SLC7A14: variants seen among roughly 807,000 people sequenced by gnomAD.
SLC7A14 encodes solute carrier family 7 member 14, also known as gamma-aminobutyric acid transporter SLC7A14.
A neutral mutation model predicts 60.2 loss-of-function variants in SLC7A14; 37 were observed. The observed-to-expected ratio is 0.61, with a 90% CI of 0.47 to 0.81. SLC7A14 has a LOEUF of 0.81. Ranked by LOEUF, SLC7A14 falls within the 30% of genes least tolerant of loss-of-function variation. SLC7A14 has a pLI of 0.00. For missense variants in SLC7A14, 886 were observed against 982.7 expected, an observed-to-expected ratio of 0.90 and a Z score of 1.32; for synonymous variants, 399 against 395.8, an observed-to-expected ratio of 1.01 and a Z score of -0.10.
At chr3:170,513,083 C>T (rs1037007643) in intron 2 of SLC7A14, among the ~76,000 whole-genome samples, 1 of 152,038 alleles carries the variant, frequency 6.6e-6, no homozygotes. Context: ...CTAAGTAGCT[C>T]CTACTGAATG....
At chr3:170,499,713 C>A (rs1223112883) in intron 3 of SLC7A14, among the ~76,000 whole-genome samples, 1 of 152,170 alleles carries the variant, frequency 6.6e-6, no homozygotes, top group Non-Finnish European at 1.5e-5. Flanking sequence ...AGTGAACACG[C>A]CCTGCCTGCT....
chr3:170,562,584 C>T (rs1481283241), intron 1 of SLC7A14, among the ~76,000 whole-genome samples: 2 of 151,958 alleles, frequency 1.3e-5, no homozygotes, highest in East Asian at 3.8e-4. Context: ...CACAAATCAC[C>T]ACTAAAGAAC....
chr3:170,548,608 A>C (rs967773702), intron 1 of SLC7A14, among the ~76,000 whole-genome samples: 4 of 152,220 alleles, frequency 2.6e-5, no homozygotes, highest in African/African-American at 7.2e-5. Context: ...TGGGAAACTT[A>C]ACAAAATAAA....
intron 2 of SLC7A14, among the ~76,000 whole-genome samples, chr3:170,511,641 A>G (rs1712983195): frequency 6.6e-6 from 1 of 152,208 alleles, no homozygotes; most frequent in South Asian, 2.1e-4. Flanking sequence ...AGCTTTACTT[A>G]GCAGTAGCCT....
At position 170,466,643 on chromosome 3, in the gene SLC7A14, G is replaced by A. The variant is rs1739727938; in HGVS notation, c.*412C>T. On this transcript the variant is annotated 3_prime_UTR_variant, in exon 8 of 8. Transcript: ENST00000231706. Reference sequence around the variant, plus strand: ...CATCTACCCACCCTGACCTCGGGGAGCAGCACTCAGCCTGACATGCCAAGA... The same window carrying A: ...CATCTACCCACCCTGACCTCGGGGAACAGCACTCAGCCTGACATGCCAAGA... The A allele has an allele frequency of 1.9e-5, 3 of 159,404 alleles. No individual in the cohort carries two copies. Among genetic ancestry groups the A allele is most frequent in the African/African-American group, 7.2e-5 (3 of 41,640 alleles). 9.9% of individuals were successfully genotyped at this position (159,404 alleles called of 1,614,324 possible). A position where few individuals can be genotyped will look rare whatever the true frequency, so the allele number is the denominator to read the frequency against.
At chr3:170,498,983 G>A in intron 3 of SLC7A14, 99 bp from the exon 4 acceptor site, 3 of 1,189,474 alleles carry the variant, frequency 2.5e-6, no homozygotes, top group South Asian at 1.4e-5. Flanking sequence ...GCTTTAAGAA[G>A]GGCAGTAAAC....
chr3:170,580,414 A>G (rs1022708368), intron 1 of SLC7A14, among the ~76,000 whole-genome samples: 1 of 152,224 alleles, frequency 6.6e-6, no homozygotes, highest in African/African-American at 2.4e-5. Flanking sequence ...TCCAAGAGGT[A>G]AACAAGTCCA....
rs1739671307 is a variant in SLC7A14 at position 170,464,359 on chromosome 3, A to G, written c.*2696T>C. On this transcript the variant is annotated 3_prime_UTR_variant, in exon 8 of 8. Transcript: ENST00000231706. ...AAGGGGCAAAGTTTCTAAGATAATT[A>G]TAAGGTGATCTTACTTTTAATGTGA... 2 of 152,238 alleles carry G rather than the reference A, an allele frequency of 1.3e-5. No individual in the cohort carries two copies. The highest frequency in any genetic ancestry group is 1.3e-4 in the Admixed American group (2 of 15,276). 9.4% of individuals were successfully genotyped at this position (152,238 alleles called of 1,614,324 possible). A position where few individuals can be genotyped will look rare whatever the true frequency, so the allele number is the denominator to read the frequency against.
intron 2 of SLC7A14, among the ~76,000 whole-genome samples, chr3:170,507,971 A>G (rs1712836318): frequency 6.6e-6 from 1 of 152,112 alleles, no homozygotes; most frequent in South Asian, 2.1e-4. Flanking sequence ...TTGTTCTTTT[A>G]TTTTATAGAT....
chr3:170,470,873 A>G (rs887694495), intron 7 of SLC7A14, among the ~76,000 whole-genome samples: 1 of 151,956 alleles, frequency 6.6e-6, no homozygotes, highest in Non-Finnish European at 1.5e-5. Context: ...TCCTTTTTTT[A>G]GTTGGCTTAG....
intron 4 of SLC7A14, 124 bp from the exon 5 acceptor site, chr3:170,486,492 G>GGC: frequency 8.0e-7 from 1 of 1,244,402 alleles, no homozygotes; most frequent in Admixed American, 1.9e-5. Flanking sequence ...GTAACATGGT[G>GGC]GAACTCGTGC....
chr3:170,542,607 C>A (rs1278803871), intron 1 of SLC7A14, among the ~76,000 whole-genome samples: 1 of 152,244 alleles, frequency 6.6e-6, no homozygotes, highest in East Asian at 1.9e-4. Context: ...CCATCTCAAG[C>A]ACTCAGTGTT....
chr3:170,537,124 A>G lies in SLC7A14; in HGVS notation c.-152-10036T>C, dbSNP rs150227801. Among the ~76,000 whole-genome samples, 295 of 152,316 alleles carry G rather than the reference A, an allele frequency of 1.9e-3. 3 individuals carry two copies. Among genetic ancestry groups the G allele is most frequent in the African/African-American group, 6.7e-3 (279 of 41,574 alleles). The stretch of plus-strand genomic sequence containing the variant: ...CTGGCTGCTGTAACAAATGGCTACA[A>G]ATGTAGTGGCCAAAAATGACAGATT... On this transcript the variant is annotated intron_variant, in intron 1 of 7. Coordinates refer to ENST00000231706, the MANE Select transcript of SLC7A14 (RefSeq NM_020949.3).
intron 2 of SLC7A14, among the ~76,000 whole-genome samples, chr3:170,510,498 G>A (rs540857879): frequency 6.6e-6 from 1 of 152,070 alleles, no homozygotes; most frequent in African/African-American, 2.4e-5. Flanking sequence ...GGTTATTGAA[G>A]GTACAGTCTC....
intron 5 of SLC7A14, among the ~76,000 whole-genome samples, 157 bp from the exon 6 acceptor site, chr3:170,483,679 G>C (rs1263332160): frequency 6.6e-6 from 1 of 152,242 alleles, no homozygotes; most frequent in African/African-American, 2.4e-5. Context: ...CTGTAGACCA[G>C]TCATCTGGCC....
intron 4 of SLC7A14, chr3:170,496,292 A>G: frequency 3.0e-6 from 3 of 984,212 alleles, no homozygotes; most frequent in Non-Finnish European, 4.9e-6. Context: ...TCAAGTATGC[A>G]GAGCTGCAGA....
chr3:170,583,613 C>T (rs1215270109), intron 1 of SLC7A14, among the ~76,000 whole-genome samples: 1 of 152,166 alleles, frequency 6.6e-6, no homozygotes, highest in Non-Finnish European at 1.5e-5. Context: ...TCTTGTAAAA[C>T]GATGGTGCTA....
In SLC7A14 at chr3:170,498,848, A is replaced by C; in HGVS notation, c.578T>G (p.Leu193Arg). The C allele has an allele frequency of 6.2e-7, 1 of 1,614,200 alleles. No individual in the cohort carries two copies. Among genetic ancestry groups the C allele is most frequent in the Non-Finnish European group, 8.5e-7 (1 of 1,180,034 alleles). Reference sequence around the variant, plus strand: ...GATGGTCACGATGACCGCGATCAACAGAGCCAGAAGGTCTGGGTATGATTC... The same window carrying C: ...GATGGTCACGATGACCGCGATCAACCGAGCCAGAAGGTCTGGGTATGATTC... ...GEESYPDLLA[L>R]LIAVIVTIIV... Residue 193 changes from leucine (L) to arginine (R), a missense_variant, in exon 4 of 8, where the codon CTG becomes CGG. Leu to Arg is a moderately radical substitution (Grantham distance 102, BLOSUM62 -2). Transcript: ENST00000231706.
At chr3:170,572,600 A>G (rs146369693) in intron 1 of SLC7A14, among the ~76,000 whole-genome samples, 1 of 152,334 alleles carries the variant, frequency 6.6e-6, no homozygotes, top group East Asian at 1.9e-4. Flanking sequence ...CAGAGTGTTT[A>G]TTTATAACTG....
Sources: allele counts gnomAD v4.1 joint callset (sites outside exome capture counted in the v4.1 genomes callset), GRCh38; gene constraint gnomAD v4.1.1; transcripts MANE v1.5; gene names NCBI Gene and HGNC (gene_info 2026-07-23, HGNC 2026-07-21).